POC5: variants seen among roughly 807,000 people sequenced by gnomAD.
POC5 encodes centrosomal protein POC5.
Under a neutral mutation model 62.9 loss-of-function variants are expected in POC5, and 48 were observed. The ratio of observed to expected loss-of-function variants is 0.76; its 90% CI spans 0.61 to 0.97. POC5 has a LOEUF of 0.97. Among genes scored for constraint, POC5 ranks in the 50% least tolerant of loss-of-function variants. POC5 has a pLI of 0.00. For synonymous variants in POC5, 236 were observed against 228.2 expected (o/e 1.03, Z -0.31); for missense variants, 696 against 679.5 (o/e 1.02, Z -0.27).
intron 10 of POC5, among the ~76,000 whole-genome samples, chr5:75,683,712 A>AG (rs1462622386): frequency 6.6e-6 from 1 of 151,734 alleles, no homozygotes; most frequent in Non-Finnish European, 1.5e-5. Flanking sequence ...TTAAAAAAAA[A>AG]AAAAAAATTA....
chr5:75,681,594 T>G (rs1420128112), intron 10 of POC5, among the ~76,000 whole-genome samples: 2 of 150,404 alleles, frequency 1.3e-5, no homozygotes, highest in East Asian at 3.9e-4. Flanking sequence ...AATATTATTA[T>G]TTTTTAAATA....
intron 2 of POC5, 78 bp from the exon 3 acceptor site, chr5:75,707,953 A>C (rs1777192698): frequency 4.7e-6 from 6 of 1,289,922 alleles, no homozygotes; most frequent in Non-Finnish European, 6.3e-6. Flanking sequence ...TGTTTTAAAG[A>C]AATTTAATTA....
intron 5 of POC5, among the ~76,000 whole-genome samples, chr5:75,697,362 C>A (rs992479631): frequency 6.6e-6 from 1 of 151,876 alleles, no homozygotes; most frequent in South Asian, 2.1e-4. Context: ...GATCTCTCAG[C>A]AGAAACTCTA....
intron 8 of POC5, chr5:75,689,459 T>C (rs1561467118): frequency 1.0e-6 from 1 of 984,884 alleles, no homozygotes; most frequent in Non-Finnish European, 1.2e-6. Context: ...CACCATTTTT[T>C]ACTGTAAAAC....
chr5:75,708,785 A>G (rs189794118), intron 2 of POC5, among the ~76,000 whole-genome samples: 44 of 152,312 alleles, frequency 2.9e-4, no homozygotes, highest in Middle Eastern at 3.4e-3. Flanking sequence ...TTACATGTAC[A>G]AGAGTGACCT....
intron 9 of POC5, 139 bp downstream of exon 9, chr5:75,688,873 C>G: frequency 3.5e-6 from 3 of 852,694 alleles, no homozygotes; most frequent in Non-Finnish European, 4.8e-6. Flanking sequence ...CTGGATATGA[C>G]ACCATAGAAT....
chr5:75,690,614 T>C, intron 7 of POC5, 52 bp from the exon 8 acceptor site: 1 of 1,344,994 alleles, frequency 7.4e-7, no homozygotes. Context: ...GATAAATATA[T>C]TGGTAGTAAT....
Position 75,689,617 on chromosome 5 carries a change from G to T in POC5, c.976-452C>A. On this transcript the variant is annotated intron_variant, in intron 8 of 11. Coordinates refer to ENST00000428202, the MANE Select transcript of POC5 (RefSeq NM_001099271.2). ...TATTTGAAGTGCAGAGTGACCCTAG[G>T]TACAACACACTTTCCCATAGGCCAA... The T allele has an allele frequency of 4.1e-6, 4 of 985,192 alleles. No homozygotes were observed. In the South Asian group the frequency reaches 1.9e-4, roughly 46 times the overall value. 61.0% of individuals were successfully genotyped at this position (985,192 alleles called of 1,614,324 possible). A position where few individuals can be genotyped will look rare whatever the true frequency, so the allele number is the denominator to read the frequency against.
rs777479432 is a variant in POC5, at chr5:75,677,823, G to T, written c.1535C>A (p.Ser512Tyr). 3 of 1,612,460 alleles carry T rather than the reference G, an allele frequency of 1.9e-6. No individual in the cohort carries two copies. The highest frequency in any genetic ancestry group is 2.2e-5 in the South Asian group (2 of 90,856). The change falls in exon 11 of 12, where the codon TCT becomes TAT. Residue 512 changes from serine (S) to tyrosine (Y), a missense_variant. Coordinates refer to ENST00000428202, the MANE Select transcript of POC5 (RefSeq NM_001099271.2). The stretch of plus-strand genomic sequence containing the variant: ...CACAACAACTGAGCTCATGGGAGGA[G>T]AAACTCCCATTATAGCTAAACTGCT... ...ISSSLAIMGV[S>Y]PPMSSVVVEK...
At chr5:75,702,513 G>T in intron 5 of POC5, 92 bp downstream of exon 5, 1 of 1,239,576 alleles carries the variant, frequency 8.1e-7, no homozygotes, top group Non-Finnish European at 1.1e-6. Flanking sequence ...TTTTTAGAAA[G>T]TTTAACTCAA....
chr5:75,685,396 A>G lies in POC5; in HGVS notation c.1218T>C (p.Pro406=). The G allele has an allele frequency of 1.2e-6, 2 of 1,614,006 alleles. No homozygotes were observed. Among genetic ancestry groups the G allele is most frequent in the Non-Finnish European group, 1.7e-6 (2 of 1,179,886 alleles). The part of the protein sequence containing the change: ...EHSAHLDPSA[P]PMPLPVTSPL... ...GTGATGTAACTGGTAAGGGCATCGG[A>G]GGAGCTGAAGGATCCAAATGAGCAG... The change falls in exon 10 of 12, where the codon CCT becomes CCC. Residue 406 remains proline (P), a synonymous_variant. Transcript: ENST00000428202.
At chr5:75,677,702 G>A (rs541780759) in intron 11 of POC5, 72 bp downstream of exon 11, 420 of 1,219,026 alleles carry the variant, frequency 3.4e-4, no homozygotes, top group Non-Finnish European at 4.4e-4. Context: ...AACATGTTAT[G>A]TAAGTGTTTA....
chr5:75,678,607 T>C (rs1455898078), intron 10 of POC5, among the ~76,000 whole-genome samples: 4 of 100,108 alleles, frequency 4.0e-5, no homozygotes, highest in Non-Finnish European at 7.7e-5. Flanking sequence ...TTTATTAATA[T>C]ACTTTTTTTT....
rs377561908 is a variant in POC5 at position 75,704,977 on chromosome 5, A to G, written c.307+727T>C. On this transcript the variant is annotated intron_variant, in intron 4 of 11. Coordinates refer to ENST00000428202, the MANE Select transcript of POC5 (RefSeq NM_001099271.2). ...CACTTTGGGAGGCCAGGGCAAGTGG[A>G]TCACTTGATCTTAGGAGTTTGAGAC... 9.8e-5 allele frequency among the ~76,000 whole-genome samples: 15 copies of G among 152,336 alleles called. No homozygotes were observed. The East Asian group carries it at 1.7e-3, about 18-fold the overall frequency.
intron 5 of POC5, among the ~76,000 whole-genome samples, chr5:75,695,104 T>G (rs1204852695): frequency 2.0e-5 from 3 of 152,214 alleles, no homozygotes; most frequent in African/African-American, 7.2e-5. Flanking sequence ...TCAGGTCTCA[T>G]TCACTATGTT....
At chr5:75,702,087 G>T (rs901032945) in intron 5 of POC5, among the ~76,000 whole-genome samples, 2 of 151,942 alleles carry the variant, frequency 1.3e-5, no homozygotes, top group Non-Finnish European at 2.9e-5. Context: ...TGAACCAGTA[G>T]CAACACCTGG....
At chr5:75,682,934 C>T (rs2112088552) in intron 10 of POC5, among the ~76,000 whole-genome samples, 1 of 152,302 alleles carries the variant, frequency 6.6e-6, no homozygotes, top group Non-Finnish European at 1.5e-5. Context: ...TATTTTCTCC[C>T]AAAGTTAGTA....
At chr5:75,698,323 G>A (rs1412630587) in intron 5 of POC5, among the ~76,000 whole-genome samples, 1 of 151,004 alleles carries the variant, frequency 6.6e-6, no homozygotes, top group South Asian at 2.1e-4. Context: ...TGGAAGTAAA[G>A]CTCTCCTCAG....
At chr5:75,685,020 A>G (rs1776040563) in intron 10 of POC5, among the ~76,000 whole-genome samples, 187 bp downstream of exon 10, 1 of 151,930 alleles carries the variant, frequency 6.6e-6, no homozygotes, top group South Asian at 2.1e-4. Flanking sequence ...GGCGGCTGCC[A>G]CCACACCCGG....
Sources: gnomAD v4.1 joint callset for allele counts (sites outside exome capture counted in the v4.1 genomes callset) on GRCh38, gnomAD v4.1.1 for gene constraint, MANE v1.5 for transcripts, NCBI Gene and HGNC (gene_info 2026-07-23, HGNC 2026-07-21) for gene names.